The following AKIP1 variants were observed in gnomAD, a reference collection of about 807,000 sequenced individuals.
The protein encoded by AKIP1 is A-kinase interacting protein 1.
A neutral mutation model predicts 22.3 loss-of-function variants in AKIP1; 18 were observed. The observed-to-expected ratio is 0.81, with a 90% CI of 0.56 to 1.19. AKIP1 has a LOEUF of 1.19. Ranked by LOEUF, AKIP1 falls within the 50% of genes most tolerant of loss-of-function variation. The pLI is 0.00. For synonymous variants in AKIP1, 120 were observed against 102.7 expected (o/e 1.17, Z -1.02); for missense variants, 287 against 264.6 (o/e 1.08, Z -0.59).
Position 8,911,531 on chromosome 11 carries a change from G to A in AKIP1, c.82G>A (p.Val28Met). The A allele has an allele frequency of 1.2e-6, 2 of 1,610,616 alleles. No homozygotes were observed. The highest frequency in any genetic ancestry group is 1.7e-6 in the Non-Finnish European group (2 of 1,178,740). ...GCGTTCAGCAAGGCTGGCTCTAGAAGTGCTGGAGAGGGCCAAGAGGAGGGC... is the reference window on the plus strand; with the variant it reads ...GCGTTCAGCAAGGCTGGCTCTAGAAATGCTGGAGAGGGCCAAGAGGAGGGC... Reference protein sequence around the residue: ...LQRSARLALEVLERAKRRAVD... With the variant: ...LQRSARLALEMLERAKRRAVD... Residue 28 changes from valine (V) to methionine (M), a missense_variant, in exon 2 of 6, where the codon GTG (valine) becomes ATG (methionine). Transcript: ENST00000309377.
chr11:8,915,157 TG>T (rs1308334770), intron 4 of AKIP1, among the ~76,000 whole-genome samples: 1 of 152,142 alleles, frequency 6.6e-6, no homozygotes, highest in Non-Finnish European at 1.5e-5. Flanking sequence ...GATCTTTAGT[TG>T]AACCTGCAGT....
At chr11:8,912,963 C>T (rs2064420731) in intron 3 of AKIP1, among the ~76,000 whole-genome samples, 1 of 141,590 alleles carries the variant, frequency 7.1e-6, no homozygotes, top group African/African-American at 2.6e-5. Flanking sequence ...CAAGCTCTCC[C>T]TCCTGGGTTC....
intron 3 of AKIP1, 33 bp downstream of exon 3, chr11:8,912,566 C>T (rs371556773): frequency 4.5e-6 from 7 of 1,567,642 alleles, no homozygotes; most frequent in Non-Finnish European, 6.2e-6. Flanking sequence ...TATGCCCCAT[C>T]ACCTGCTGAT....
chr11:8,912,616 G>C lies in AKIP1; in HGVS notation c.303+83G>C, dbSNP rs1189567221. On this transcript the variant is annotated intron_variant, in intron 3 of 5. Coordinates refer to ENST00000309377, the MANE Select transcript of AKIP1 (RefSeq NM_020642.4). ...TCTTTCTGGAATTTACGGAGAATCT[G>C]GACACTACCTGTTTCTCCTGCCCAG... The C allele has an allele frequency of 6.4e-6, 8 of 1,246,082 alleles. No homozygotes were observed. The South Asian group carries it at 9.8e-5, about 15-fold the overall frequency. The allele number at this position is 1,246,082 out of a possible 1,614,324, so 77.2% of individuals were successfully genotyped here.
At chr11:8,912,645 T>C (rs1448765424) in intron 3 of AKIP1, 112 bp downstream of exon 3, 1 of 945,908 alleles carries the variant, frequency 1.1e-6, no homozygotes, top group Non-Finnish European at 1.7e-6. Context: ...TGCCCAGCCT[T>C]CACGGTCAGA....
Position 8,912,520 on chromosome 11 carries a change from C to G in AKIP1, c.290C>G (p.Ser97Ter). Reference protein sequence around the residue: ...RTMAEFMDYTSSQCGKYYSSV... With the variant: ...RTMAEFMDYT ...ATGGCTGAATTCATGGACTATACTT[C>G]AAGTCAGTGTGGGGTAAGTTGGTGT... Residue 97 changes from serine to a stop codon, truncating the protein, a stop_gained, in exon 3 of 6, where the codon TCA (serine) becomes TGA (stop). Transcript: ENST00000309377. LOFTEE classifies it high-confidence loss of function. 2 of 1,614,008 alleles carry G rather than the reference C, an allele frequency of 1.2e-6. No homozygotes were observed. The highest frequency in any genetic ancestry group is 1.7e-6 in the Non-Finnish European group (2 of 1,179,874).
At chr11:8,911,708 C>A (rs775073142) in intron 2 of AKIP1, 37 bp downstream of exon 2, 10 of 1,464,314 alleles carry the variant, frequency 6.8e-6, no homozygotes, top group Non-Finnish European at 9.0e-6. Flanking sequence ...CCCAGTCCTT[C>A]GCGCCGCGGT....
chr11:8,911,602 C>T lies in AKIP1; in HGVS notation c.153C>T (p.Val51=), dbSNP rs1230809633. ...AGCGTCCCAAAGGCTGCATGGGGGT[C>T]CTTGCCCGGGAGGCGCCCCACCTAG... The part of the protein sequence containing the change: ...ALERPKGCMG[V]LAREAPHLEK... The change falls in exon 2 of 6, where the codon GTC becomes GTT. Residue 51 remains valine (V), a synonymous_variant. Transcript: ENST00000309377. The T allele has an allele frequency of 6.2e-7, 1 of 1,604,392 alleles. No homozygotes were observed. Among genetic ancestry groups the T allele is most frequent in the Non-Finnish European group, 8.5e-7 (1 of 1,176,878 alleles).
At chr11:8,915,819 C>CTTT (rs1258666817) in intron 4 of AKIP1, among the ~76,000 whole-genome samples, 57 of 123,998 alleles carry the variant, frequency 4.6e-4, no homozygotes, top group Non-Finnish European at 5.1e-4. Context: ...ATTTTTCTTT[C>CTTT]TTTTTTTTTT....
intron 4 of AKIP1, 58 bp from the exon 5 acceptor site, chr11:8,917,229 C>T (rs1345749032): frequency 1.3e-5 from 16 of 1,232,536 alleles, no homozygotes; most frequent in African/African-American, 3.0e-5. Flanking sequence ...GAGAACTTCT[C>T]TTTACAATCC....
intron 1 of AKIP1, 64 bp downstream of exon 1, chr11:8,911,287 C>T: frequency 1.5e-6 from 1 of 647,986 alleles, no homozygotes; most frequent in Non-Finnish European, 2.6e-6. Context: ...CGCGCTAGGC[C>T]TAGTCCTGGC....
chr11:8,913,037 G>T (rs1175023409), intron 3 of AKIP1, among the ~76,000 whole-genome samples: 1 of 150,016 alleles, frequency 6.7e-6, no homozygotes, highest in Non-Finnish European at 1.5e-5. Flanking sequence ...ACCACGCCCA[G>T]CTAATTTTTT....
chr11:8,911,245 C>G, intron 1 of AKIP1, 22 bp downstream of exon 1: 1 of 576,204 alleles, frequency 1.7e-6, no homozygotes, highest in East Asian at 2.9e-5. Context: ...CCCTAAGTAG[C>G]GGAAGGGGTA....
In AKIP1 at chr11:8,911,642, G is replaced by C. The variant is rs773960080; in HGVS notation, c.193G>C (p.Ala65Pro). 6.3e-7 allele frequency: 1 copy of C among 1,578,788 alleles called. No homozygotes were observed. Among genetic ancestry groups the C allele is most frequent in the South Asian group, 1.2e-5 (1 of 86,364 alleles). Residue 65 changes from alanine to proline, a missense_variant, in exon 2 of 6, where the codon GCC becomes CCC. Physicochemically the swap from Ala to Pro is conservative, Grantham distance 27 (BLOSUM62 -1). Transcript: ENST00000309377. ...EAPHLEKQPA[A>P]GPQRVLPGER... ...GCCCCACCTAGAGAAACAGCCGGCA[G>C]CCGGCCCGCAGCGCGTTCTCCCGGG...
rs573526150 is a variant in AKIP1, at chr11:8,919,440, T to C, written c.593T>C (p.Val198Ala). The change falls in exon 6 of 6, where the codon GTT becomes GCT. Residue 198 changes from valine to alanine, a missense_variant. Physicochemically the swap from Val to Ala is moderately conservative, Grantham distance 64. Transcript: ENST00000309377. ...ACCAAGAAGACTCATGTGGTAGCAG[T>C]TGATTCTGGACAAAGCGTGGACCTG... is the stretch of plus-strand genomic sequence containing the variant. ...DLTKKTHVVA[V>A]DSGQSVDLVF... 6.8e-6 allele frequency: 11 copies of C among 1,614,218 alleles called. No homozygotes were observed. Among genetic ancestry groups the C allele is most frequent in the African/African-American group, 1.3e-5 (1 of 75,062 alleles).
At chr11:8,916,108 C>G (rs780298161) in intron 4 of AKIP1, among the ~76,000 whole-genome samples, 5 of 152,120 alleles carry the variant, frequency 3.3e-5, no homozygotes, top group Non-Finnish European at 7.4e-5. Context: ...GTGTAACCCA[C>G]CGCGCCTGAC....
At chr11:8,912,766 A>C (rs1243076141) in intron 3 of AKIP1, among the ~76,000 whole-genome samples, 1 of 152,172 alleles carries the variant, frequency 6.6e-6, no homozygotes, top group African/African-American at 2.4e-5. Context: ...ATGAAAAGTC[A>C]GAAAAGGTCT....
chr11:8,919,192 G>T, intron 5 of AKIP1, 145 bp from the exon 6 acceptor site: 2 of 729,524 alleles, frequency 2.7e-6, no homozygotes, highest in Non-Finnish European at 4.6e-6. Flanking sequence ...ACGTGAGCAG[G>T]CTGAGCCTTG....
At chr11:8,912,361 CCAAAAGTAAAAAGGAGACTA>C in intron 2 of AKIP1, 72 bp from the exon 3 acceptor site, 1 of 1,016,696 alleles carries the variant, frequency 9.8e-7, no homozygotes, top group Non-Finnish European at 1.6e-6. Context: ...CAGAGCCTTT[CCAAAAGTAAAAAGGAGACTA>C]TTTCCAAAAT....
Sources: gnomAD v4.1 joint callset for allele counts (sites outside exome capture counted in the v4.1 genomes callset) on GRCh38, gnomAD v4.1.1 for gene constraint, MANE v1.5 for transcripts, NCBI Gene and HGNC (gene_info 2026-07-23, HGNC 2026-07-21) for gene names.